LYPLA1: variants seen among roughly 807,000 people sequenced by gnomAD.
LYPLA1 encodes the protein acyl-protein thioesterase 1.
Under a neutral mutation model 34.0 loss-of-function variants are expected in LYPLA1, and 17 were observed. The ratio of observed to expected loss-of-function variants is 0.50; its 90% CI spans 0.34 to 0.75. The LOEUF is 0.75. Among genes scored for constraint, LYPLA1 ranks in the 30% least tolerant of loss-of-function variants. The pLI, the probability that LYPLA1 is intolerant of heterozygous loss-of-function variation, is 0.01. For synonymous variants in LYPLA1, 98 were observed against 100.8 expected (o/e 0.97, Z 0.17); for missense variants, 203 against 288.8 (o/e 0.70, Z 2.15).
intron 2 of LYPLA1, among the ~76,000 whole-genome samples, chr8:54,069,407 G>GA (rs938672312): frequency 4.6e-5 from 7 of 151,920 alleles, no homozygotes; most frequent in African/African-American, 1.7e-4. Context: ...AAAAGGAAAA[G>GA]AAAAAATACT....
At chr8:54,075,250 G>A (rs1192392110) in intron 2 of LYPLA1, among the ~76,000 whole-genome samples, 4 of 152,246 alleles carry the variant, frequency 2.6e-5, no homozygotes. Context: ...CAGAACAACT[G>A]ATTTGGTGGA....
chr8:54,057,017 T>C (rs1490036374), intron 5 of LYPLA1, among the ~76,000 whole-genome samples: 1 of 152,156 alleles, frequency 6.6e-6, no homozygotes, highest in Admixed American at 6.5e-5. Context: ...CCAACATCAC[T>C]GATCGCCAGC....
chr8:54,050,418 T>A (rs1026227757), intron 8 of LYPLA1, among the ~76,000 whole-genome samples: 6 of 152,214 alleles, frequency 3.9e-5, no homozygotes, highest in Non-Finnish European at 7.3e-5. Flanking sequence ...GACAGCTTCC[T>A]GCTGCCTAGA....
intron 2 of LYPLA1, chr8:54,073,448 T>C (rs1486377492): frequency 1.3e-6 from 1 of 772,224 alleles, no homozygotes; most frequent in Non-Finnish European, 2.4e-6. Flanking sequence ...TTTATCTACC[T>C]GGCTGTGATG....
At chr8:54,046,318 T>C (rs1410108275), downstream of LYPLA1, 3 of 152,538 alleles carry the variant, frequency 2.0e-5, no homozygotes, top group African/African-American at 4.8e-5. Flanking sequence ...CATTGCATTA[T>C]AGACATTCAT....
At chr8:54,078,951 T>C (rs989802695) in intron 2 of LYPLA1, among the ~76,000 whole-genome samples, 2 of 151,340 alleles carry the variant, frequency 1.3e-5, no homozygotes, top group Non-Finnish European at 2.9e-5. Flanking sequence ...TGATACACTA[T>C]TTCAATGTAC....
chr8:54,087,894 G>C (rs1015489050), intron 2 of LYPLA1, among the ~76,000 whole-genome samples: 1 of 152,160 alleles, frequency 6.6e-6, no homozygotes, highest in Non-Finnish European at 1.5e-5. Context: ...CCGAACAAAG[G>C]AGACAGAGTC....
chr8:54,090,865 G>C (rs1211929325), intron 2 of LYPLA1, among the ~76,000 whole-genome samples: 1 of 152,136 alleles, frequency 6.6e-6, no homozygotes, highest in African/African-American at 2.4e-5. Context: ...GTTCTCATTT[G>C]ATCTGACAGT....
intron 2 of LYPLA1, among the ~76,000 whole-genome samples, chr8:54,093,654 T>C (rs139924752): frequency 4.1e-4 from 63 of 152,334 alleles, no homozygotes; most frequent in East Asian, 2.9e-3. Flanking sequence ...CATGTGGTGA[T>C]TGATGCTCCT....
At chr8:54,096,213 TA>T (rs1389212884) in intron 2 of LYPLA1, among the ~76,000 whole-genome samples, 2 of 152,236 alleles carry the variant, frequency 1.3e-5, no homozygotes, top group African/African-American at 4.8e-5. Flanking sequence ...CTATAAATGT[TA>T]TTTCTGCAAC....
At chr8:54,090,374 G>GA (rs965796393) in intron 2 of LYPLA1, among the ~76,000 whole-genome samples, 6 of 152,200 alleles carry the variant, frequency 3.9e-5, no homozygotes, top group Admixed American at 3.9e-4. Context: ...ATAGGTTATG[G>GA]AAAGACTGTG....
chr8:54,086,095 C>T (rs1240900445), intron 2 of LYPLA1, among the ~76,000 whole-genome samples: 1 of 152,122 alleles, frequency 6.6e-6, no homozygotes, highest in East Asian at 1.9e-4. Context: ...AAAATTCTTC[C>T]ACCTTGGGAT....
At chr8:54,098,761 T>C (rs1295612294) in intron 2 of LYPLA1, among the ~76,000 whole-genome samples, 1 of 152,246 alleles carries the variant, frequency 6.6e-6, no homozygotes, top group East Asian at 1.9e-4. Flanking sequence ...TTTCATTTAG[T>C]ATTTTCAAAC....
intron 2 of LYPLA1, among the ~76,000 whole-genome samples, chr8:54,075,510 C>T (rs1475874035): frequency 1.3e-5 from 2 of 152,184 alleles, no homozygotes; most frequent in African/African-American, 2.4e-5. Flanking sequence ...CAGAGCCACC[C>T]ACCTGGGGAC....
At chr8:54,076,405 T>C (rs749272217) in intron 2 of LYPLA1, among the ~76,000 whole-genome samples, 2 of 152,188 alleles carry the variant, frequency 1.3e-5, no homozygotes, top group East Asian at 1.9e-4. Context: ...ATCTATGTTA[T>C]TTGTCTTTGT....
chr8:54,082,220 T>C (rs1398957107), intron 2 of LYPLA1, among the ~76,000 whole-genome samples: 1 of 152,168 alleles, frequency 6.6e-6, no homozygotes, highest in East Asian at 1.9e-4. Flanking sequence ...AAAGATTAGT[T>C]TCAGCTATGA....
At chr8:54,066,095 C>A (rs1367679444) in intron 2 of LYPLA1, among the ~76,000 whole-genome samples, 4 of 152,096 alleles carry the variant, frequency 2.6e-5, no homozygotes, top group Non-Finnish European at 5.9e-5. Context: ...CGCCACCACG[C>A]CCGGCTAATT....
chr8:54,096,041 C>T (rs58419852), intron 2 of LYPLA1, among the ~76,000 whole-genome samples: 31,704 of 152,074 alleles, frequency 0.21, 4,563 homozygotes, highest in East Asian at 0.74. Flanking sequence ...CCGTAGTATA[C>T]CATCAGTGTT....
intron 2 of LYPLA1, among the ~76,000 whole-genome samples, chr8:54,090,150 G>A (rs571809065): frequency 1.4e-4 from 21 of 152,280 alleles, no homozygotes; most frequent in Admixed American, 1.4e-3. Flanking sequence ...GCCTATAAAC[G>A]GACGCATTGG....
Sources: gnomAD v4.1 joint callset for allele counts (sites outside exome capture counted in the v4.1 genomes callset) on GRCh38, gnomAD v4.1.1 for gene constraint, MANE v1.5 for transcripts, NCBI Gene and HGNC (gene_info 2026-07-23, HGNC 2026-07-21) for gene names.